SPIDR: variants seen among roughly 807,000 people sequenced by gnomAD.
SPIDR encodes the protein scaffold protein involved in DNA repair.
In SPIDR, 93 loss-of-function variants were observed where a neutral mutation model predicts 104.6. The observed-to-expected ratio is 0.89, with a 90% CI of 0.75 to 1.06. The LOEUF (loss-of-function observed/expected upper bound fraction) is 1.06. SPIDR is among the 50% of genes least tolerant of loss of function. SPIDR has a pLI of 0.00. For synonymous variants in SPIDR, 431 were observed against 416.9 expected, an observed-to-expected ratio of 1.03 and a Z score of -0.41; for missense variants, 1,154 against 1,111.2, an observed-to-expected ratio of 1.04 and a Z score of -0.55.
chr8:47,301,678 G>A (rs2042110375), intron 5 of SPIDR, among the ~76,000 whole-genome samples: 1 of 140,336 alleles, frequency 7.1e-6, no homozygotes, highest in Non-Finnish European at 1.5e-5. Context: ...TATCTGTAAA[G>A]GATTTTATTT....
intron 7 of SPIDR, among the ~76,000 whole-genome samples, chr8:47,430,733 A>C (rs1371472350): frequency 6.6e-6 from 1 of 152,220 alleles, no homozygotes; most frequent in Non-Finnish European, 1.5e-5. Flanking sequence ...TTGATGCCAC[A>C]TTTATAAAAA....
intron 5 of SPIDR, among the ~76,000 whole-genome samples, chr8:47,374,355 C>G (rs987215572): frequency 7.2e-5 from 11 of 152,072 alleles, no homozygotes; most frequent in African/African-American, 2.7e-4. Flanking sequence ...GACCCTGTCT[C>G]TTAGGGAAAA....
At chr8:47,311,592 G>A (rs1251486285) in intron 5 of SPIDR, among the ~76,000 whole-genome samples, 1 of 152,076 alleles carries the variant, frequency 6.6e-6, no homozygotes, top group Non-Finnish European at 1.5e-5. Context: ...GCCAAAGAGG[G>A]GTATTGCTTG....
intron 6 of SPIDR, among the ~76,000 whole-genome samples, chr8:47,398,160 A>G (rs2061453161): frequency 6.6e-6 from 1 of 152,200 alleles, no homozygotes. Flanking sequence ...GGTGGTTTGT[A>G]ATAGTCTCTG....
rs1422697093 is a variant in SPIDR at position 47,396,358 on chromosome 8, C to T, written c.526-18C>T. The T allele has an allele frequency of 7.1e-6, 11 of 1,555,664 alleles. No homozygotes were observed. In the African/African-American group the frequency reaches 9.6e-5, roughly 14 times the overall value. ...CCTTTGTATTTAAAAATATGCCTTT[C>T]TTTTAATTTTTTTTCAGCCAAGTTC... On this transcript the variant is annotated intron_variant, in intron 5 of 19. Transcript: ENST00000297423.
At chr8:47,425,623 A>G (rs2154337028) in intron 7 of SPIDR, among the ~76,000 whole-genome samples, 1 of 152,290 alleles carries the variant, frequency 6.6e-6, no homozygotes, top group African/African-American at 2.4e-5. Context: ...TATTTTGTGT[A>G]ATAGATTTTA....
At chr8:47,673,677 C>T in intron 10 of SPIDR, 124 bp from the exon 11 acceptor site, 3 of 1,268,280 alleles carry the variant, frequency 2.4e-6, no homozygotes, top group Admixed American at 2.3e-5. Flanking sequence ...TCTTTACTTT[C>T]TTTAAATTAT....
At chr8:47,585,292 A>C (rs1277606745) in intron 8 of SPIDR, among the ~76,000 whole-genome samples, 3 of 152,214 alleles carry the variant, frequency 2.0e-5, no homozygotes, top group African/African-American at 7.2e-5. Context: ...GATACTGACC[A>C]TTGTTAATTG....
chr8:47,528,879 A>C (rs2085455754), intron 8 of SPIDR, among the ~76,000 whole-genome samples: 1 of 152,220 alleles, frequency 6.6e-6, no homozygotes, highest in African/African-American at 2.4e-5. Flanking sequence ...GAAGTCAAAA[A>C]AAGAATTTTT....
At chr8:47,283,736 G>A (rs1376432320) in intron 2 of SPIDR, among the ~76,000 whole-genome samples, 1 of 152,212 alleles carries the variant, frequency 6.6e-6, no homozygotes, top group Middle Eastern at 3.2e-3. Flanking sequence ...TTGGGTATGA[G>A]TAGTAATGAG....
At chr8:47,321,509 G>T (rs1464046668) in intron 5 of SPIDR, among the ~76,000 whole-genome samples, 1 of 152,190 alleles carries the variant, frequency 6.6e-6, no homozygotes, top group Admixed American at 6.5e-5. Flanking sequence ...CATGAAAATG[G>T]CCATACTGCC....
intron 7 of SPIDR, among the ~76,000 whole-genome samples, chr8:47,438,277 T>C (rs782766722): frequency 6.6e-6 from 1 of 152,146 alleles, no homozygotes. Flanking sequence ...TTCAGGCCTG[T>C]GCATTGCTGG....
chr8:47,728,947 G>A lies in SPIDR; in HGVS notation c.2450G>A (p.Cys817Tyr). 4 of 1,611,832 alleles carry A rather than the reference G, an allele frequency of 2.5e-6. No individual in the cohort carries two copies. Among genetic ancestry groups the A allele is most frequent in the Non-Finnish European group, 3.4e-6 (4 of 1,179,240 alleles). Residue 817 changes from cysteine to tyrosine, a missense_variant, in exon 18 of 20, where the codon TGT becomes TAT. Physicochemically the swap from Cys to Tyr is radical, Grantham distance 194 (BLOSUM62 -2). Coordinates refer to ENST00000297423, the MANE Select transcript of SPIDR (RefSeq NM_001080394.4). ...QRPEDRGAFS[C>Y]GDCSRVVTSP... ...TCATATACCAGAGGCGCCTTTTCCT[G>A]TGGGGACTGCTCCCGGGTGGTCACA...
intron 5 of SPIDR, among the ~76,000 whole-genome samples, chr8:47,358,334 C>T (rs117744029): frequency 0.03 from 4,510 of 152,180 alleles, 127 homozygotes; most frequent in Middle Eastern, 0.088. Context: ...GTGATTCTAC[C>T]GCCTCAGCCT....
intron 14 of SPIDR, among the ~76,000 whole-genome samples, chr8:47,708,842 T>C (rs929427431): frequency 6.6e-6 from 1 of 152,238 alleles, no homozygotes; most frequent in South Asian, 2.1e-4. Flanking sequence ...CATGGCTAGA[T>C]AGCTCGTTTC....
intron 7 of SPIDR, chr8:47,419,402 G>C (rs1201076774): frequency 3.3e-5 from 5 of 152,170 alleles, no homozygotes; most frequent in Non-Finnish European, 4.4e-5. Context: ...TAGTTTATTT[G>C]CGTAGAGGTG....
At chr8:47,464,937 T>C (rs2074534260) in intron 8 of SPIDR, among the ~76,000 whole-genome samples, 1 of 151,878 alleles carries the variant, frequency 6.6e-6, no homozygotes, top group Non-Finnish European at 1.5e-5. Flanking sequence ...CCTGGCTAAT[T>C]TTTGTATTTT....
intron 11 of SPIDR, among the ~76,000 whole-genome samples, chr8:47,688,717 G>A (rs1239228104): frequency 6.6e-6 from 1 of 152,238 alleles, no homozygotes; most frequent in Non-Finnish European, 1.5e-5. Context: ...ACATCGTGGG[G>A]GTGGGGTGTT....
chr8:47,541,856 G>A lies in SPIDR; in HGVS notation c.1098-53955G>A, dbSNP rs191586879. ...TGAGGTGGGAGAATTGCTTGAACCC[G>A]GGAGGCTGAGGCTGCAGTGAGCCGA... On this transcript the variant is annotated intron_variant, in intron 8 of 19. Coordinates refer to ENST00000297423, the MANE Select transcript of SPIDR (RefSeq NM_001080394.4). 2.0e-3 allele frequency among the ~76,000 whole-genome samples: 305 copies of A among 152,258 alleles called. 1 individual carries two copies. Among genetic ancestry groups the A allele is most frequent in the African/African-American group, 6.7e-3 (277 of 41,554 alleles).
Sources: allele counts gnomAD v4.1 joint callset (sites outside exome capture counted in the v4.1 genomes callset), GRCh38; gene constraint gnomAD v4.1.1; transcripts MANE v1.5; gene names NCBI Gene and HGNC (gene_info 2026-07-23, HGNC 2026-07-21).